OPHN1: variants seen among roughly 807,000 people sequenced by gnomAD.
OPHN1 encodes oligophrenin 1.
OPHN1 carries 11 observed loss-of-function variants against 60.7 expected under a neutral mutation model. The ratio of observed to expected loss-of-function variants is 0.18; its 90% CI spans 0.11 to 0.30. The LOEUF (loss-of-function observed/expected upper bound fraction) is 0.30, where lower values mean the gene tolerates loss of function less well. OPHN1 is among the 10% of genes least tolerant of loss of function. The pLI, the probability that OPHN1 is intolerant of heterozygous loss-of-function variation, is 1.00. For missense variants in OPHN1, 449 were observed against 611.0 expected, an observed-to-expected ratio of 0.73 and a Z score of 2.80; for synonymous variants, 226 against 222.6, an observed-to-expected ratio of 1.02 and a Z score of -0.14.
intron 5 of OPHN1, among the ~76,000 whole-genome samples, chrX:68,255,625 T>A (rs1179457022): frequency 9.1e-6 from 1 of 110,367 alleles, no homozygotes; most frequent in East Asian, 2.9e-4. Context: ...CATCAACTCT[T>A]CCCTGAGTCT....
At chrX:68,096,468 G>C (rs967029021) in intron 19 of OPHN1, among the ~76,000 whole-genome samples, 3 of 111,132 alleles carry the variant, frequency 2.7e-5, no homozygotes, top group Non-Finnish European at 5.7e-5. Flanking sequence ...TTTGTTATAG[G>C]GATCTCAGCC....
chrX:68,135,209 T>C (rs1365630138), intron 15 of OPHN1, among the ~76,000 whole-genome samples: 1 of 112,028 alleles, frequency 8.9e-6, no homozygotes, highest in Non-Finnish European at 1.9e-5. Context: ...TATCTTTGAC[T>C]TAAATCTAAC....
intron 15 of OPHN1, among the ~76,000 whole-genome samples, chrX:68,141,981 C>T (rs753037700): frequency 3.6e-5 from 4 of 110,804 alleles, no homozygotes; most frequent in East Asian, 2.8e-4. Context: ...AGAGCCAAGA[C>T]GGAAAGAGTC....
chrX:68,409,350 A>G (rs1265726576), intron 2 of OPHN1, among the ~76,000 whole-genome samples: 2 of 111,740 alleles, frequency 1.8e-5, no homozygotes, highest in Non-Finnish European at 3.8e-5. Context: ...TCAGTACCCT[A>G]TCTCTGGAGA....
chrX:68,332,085 G>A (rs1326464560), intron 2 of OPHN1, among the ~76,000 whole-genome samples: 4 of 111,491 alleles, frequency 3.6e-5, no homozygotes, highest in African/African-American at 1.3e-4. Flanking sequence ...AGAACGATCT[G>A]AAGCAAACAT....
chrX:68,100,391 T>A (rs1019066348), intron 18 of OPHN1, among the ~76,000 whole-genome samples: 2 of 111,996 alleles, frequency 1.8e-5, no homozygotes, highest in African/African-American at 6.5e-5. Context: ...TCTTTTTAGA[T>A]GTGATGTTAT....
At chrX:68,095,586 C>CTT (rs1327981788) in intron 19 of OPHN1, among the ~76,000 whole-genome samples, 1 of 111,631 alleles carries the variant, frequency 9.0e-6, no homozygotes, top group Admixed American at 9.5e-5. Flanking sequence ...CTCCCTCAAA[C>CTT]TTTCCCATTC....
intron 4 of OPHN1, among the ~76,000 whole-genome samples, chrX:68,280,299 T>C (rs1337871224): frequency 8.9e-6 from 1 of 112,158 alleles, no homozygotes; most frequent in East Asian, 2.8e-4. Context: ...GTTTACTATG[T>C]TATTTGGAGC....
chrX:68,096,324 C>T (rs562899590), intron 19 of OPHN1, among the ~76,000 whole-genome samples: 4 of 111,905 alleles, frequency 3.6e-5, no homozygotes, highest in Middle Eastern at 4.7e-3. Context: ...ATCTTCACAA[C>T]GATCCATTTC....
chrX:68,140,387 C>T (rs1412158344), intron 15 of OPHN1, among the ~76,000 whole-genome samples: 2 of 112,087 alleles, frequency 1.8e-5, no homozygotes, highest in African/African-American at 3.2e-5. Context: ...AGACCATGTA[C>T]GATTTTGCTC....
At chrX:68,292,423 G>A (rs1469363240) in intron 3 of OPHN1, among the ~76,000 whole-genome samples, 3 of 110,916 alleles carry the variant, frequency 2.7e-5, no homozygotes, top group Non-Finnish European at 5.7e-5. Flanking sequence ...TATTTCTTTT[G>A]TTTTATATGC....
At chrX:68,267,641 A>G (rs2077938619) in intron 5 of OPHN1, among the ~76,000 whole-genome samples, 1 of 112,287 alleles carries the variant, frequency 8.9e-6, no homozygotes, top group Non-Finnish European at 1.9e-5. Flanking sequence ...GAGCAAACAC[A>G]TTCAAAAGCC....
chrX:68,162,330 G>T (rs891746132), intron 15 of OPHN1, among the ~76,000 whole-genome samples: 3 of 109,425 alleles, frequency 2.7e-5, no homozygotes, highest in Admixed American at 9.8e-5. Context: ...TTATATTATT[G>T]ATTATACCTT....
At chrX:68,060,870 C>T (rs2076890376) in intron 21 of OPHN1, among the ~76,000 whole-genome samples, 1 of 112,023 alleles carries the variant, frequency 8.9e-6, no homozygotes, top group African/African-American at 3.2e-5. Context: ...GTACCAGGAG[C>T]AAACAACTAC....
At chrX:68,245,503 C>A (rs1602266951) in intron 5 of OPHN1, among the ~76,000 whole-genome samples, 1 of 111,810 alleles carries the variant, frequency 8.9e-6, no homozygotes, top group East Asian at 2.8e-4. Context: ...ACTTAATTTG[C>A]TCATATAGGT....
At chrX:68,309,793 T>G (rs958908429) in intron 2 of OPHN1, among the ~76,000 whole-genome samples, 1 of 112,042 alleles carries the variant, frequency 8.9e-6, no homozygotes, top group African/African-American at 3.2e-5. Flanking sequence ...TTTTTCTACT[T>G]CTTGTTGATG....
intron 2 of OPHN1, among the ~76,000 whole-genome samples, chrX:68,333,767 G>C (rs138574331): frequency 9.0e-6 from 1 of 111,467 alleles, no homozygotes; most frequent in Non-Finnish European, 1.9e-5. Flanking sequence ...CATGCACAGT[G>C]AGTACCTCTC....
At chrX:68,339,183 A>C (rs1177328023) in intron 2 of OPHN1, among the ~76,000 whole-genome samples, 1 of 108,744 alleles carries the variant, frequency 9.2e-6, no homozygotes, top group Non-Finnish European at 1.9e-5. Flanking sequence ...ATTTCACCAG[A>C]TGTAGATTAA....
intron 15 of OPHN1, among the ~76,000 whole-genome samples, chrX:68,160,038 A>C: frequency 9.1e-6 from 1 of 110,246 alleles, no homozygotes; most frequent in Non-Finnish European, 1.9e-5. Flanking sequence ...TTCTATAGCA[A>C]ACACATGTTA....
Sources: allele counts gnomAD v4.1 joint callset (sites outside exome capture counted in the v4.1 genomes callset), GRCh38; gene constraint gnomAD v4.1.1; transcripts MANE v1.5; gene names NCBI Gene and HGNC (gene_info 2026-07-23, HGNC 2026-07-21).